NECTIN3: variants seen among roughly 807,000 people sequenced by gnomAD.
The protein encoded by NECTIN3 is nectin-3.
A neutral mutation model predicts 49.4 loss-of-function variants in NECTIN3; 8 were observed. The observed-to-expected ratio is 0.16, with a 90% CI of 0.10 to 0.29. The LOEUF is 0.29. NECTIN3 is among the 10% of genes least tolerant of loss of function. NECTIN3 has a pLI of 1.00. For synonymous variants in NECTIN3, 277 were observed against 241.1 expected (o/e 1.15, Z -1.38); for missense variants, 581 against 654.6 (o/e 0.89, Z 1.23).
chr3:111,134,192 T>C lies in NECTIN3; in HGVS notation c.1627T>C (p.Ser543Pro). 1.9e-6 allele frequency: 3 copies of C among 1,605,412 alleles called. No individual in the cohort carries two copies. The highest frequency in any genetic ancestry group is 2.6e-6 in the Non-Finnish European group (3 of 1,176,372). The change falls in exon 6 of 6, where the codon TCC (serine) becomes CCC (proline). Residue 543 changes from serine (S) to proline (P), a missense_variant. Ser to Pro is a moderately conservative substitution (Grantham distance 74). Transcript: ENST00000485303. The stretch of plus-strand genomic sequence containing the variant: ...TTCACATGTAGATGGTTCCGTAATT[T>C]CCAGGAGGGAGTGGTATGTTTAGCA... ...LVSHVDGSVI[S>P]RREWYV is the part of the protein sequence containing the mutation.
Position 111,153,775 on chromosome 3 carries a change from A to G in NECTIN3, c.1221+6291A>G, listed in dbSNP as rs1003331656. ...AGTGCTTGAAATGAAACTAGAATAT[A>G]TGGAGTCTACACTGTTTGATTCATA... On this transcript the variant is annotated intron_variant, in intron 7 of 8. Transcript: ENST00000493615. Among the ~76,000 whole-genome samples the G allele has an allele frequency of 3.9e-5, 6 of 151,978 alleles. 1 individual carries two copies. The highest frequency in any genetic ancestry group is 3.9e-4 in the Admixed American group (6 of 15,274).
chr3:111,115,449 A>G (rs1055219695), intron 2 of NECTIN3, among the ~76,000 whole-genome samples: 12 of 152,252 alleles, frequency 7.9e-5, no homozygotes, highest in Non-Finnish European at 1.3e-4. Flanking sequence ...GCTGTTTAAA[A>G]TATAGTTCTT....
chr3:111,133,983 A>T lies in NECTIN3; in HGVS notation c.1418A>T (p.Glu473Val), dbSNP rs766561615. ...TCTTACCCAGACAGTGTAAAAAAAG[A>T]AAACAAAAATCCAGTGAACAATCTA... ...LDSYPDSVKKENKNPVNNLIR... is the reference protein window; with the variant it reads ...LDSYPDSVKKVNKNPVNNLIR... The change falls in exon 6 of 6, where the codon GAA becomes GTA. Residue 473 changes from glutamate to valine, a missense_variant. By Grantham distance (121) the Glu-to-Val change is moderately radical (BLOSUM62 -2). Coordinates refer to ENST00000485303, the MANE Select transcript of NECTIN3 (RefSeq NM_015480.3). The T allele has an allele frequency of 6.2e-7, 1 of 1,613,272 alleles. No individual in the cohort carries two copies. The highest frequency in any genetic ancestry group is 1.3e-5 in the African/African-American group (1 of 74,926).
chr3:111,168,233 T>A (rs1394017473), intron 7 of NECTIN3, among the ~76,000 whole-genome samples: 1 of 152,090 alleles, frequency 6.6e-6, no homozygotes, highest in Non-Finnish European at 1.5e-5. Flanking sequence ...TAATTCTAGT[T>A]AGGAATCTGC....
At chr3:111,119,881 T>A (rs986662985) in intron 3 of NECTIN3, among the ~76,000 whole-genome samples, 1 of 152,190 alleles carries the variant, frequency 6.6e-6, no homozygotes, top group African/African-American at 2.4e-5. Flanking sequence ...TTGTTGCTAC[T>A]TACTTGCTTT....
At chr3:111,172,649 T>C (rs981037586) in intron 7 of NECTIN3, among the ~76,000 whole-genome samples, 2 of 152,216 alleles carry the variant, frequency 1.3e-5, no homozygotes, top group African/African-American at 4.8e-5. Flanking sequence ...AATTAAACTT[T>C]CGTTCTTAAT....
At chr3:111,148,948 C>T (rs1319635248) in intron 7 of NECTIN3, among the ~76,000 whole-genome samples, 1 of 151,970 alleles carries the variant, frequency 6.6e-6, no homozygotes, top group African/African-American at 2.4e-5. Flanking sequence ...CTTCTCTCTC[C>T]TTGAACTAGA....
In NECTIN3 at chr3:111,135,424, T is replaced by C. The variant is rs940717448; in HGVS notation, c.*1209T>C. On this transcript the variant is annotated 3_prime_UTR_variant, in exon 6 of 6. Transcript: ENST00000485303. ...TTTTTTACATAATTACATATATTCC[T>C]TCTGAATCATTTATCTTTTGAGAAA... 1.1e-6 allele frequency: 1 copy of C among 929,876 alleles called. No homozygotes were observed. Among genetic ancestry groups the C allele is most frequent in the Non-Finnish European group, 1.3e-6 (1 of 779,756 alleles). 57.6% of individuals were successfully genotyped at this position (929,876 alleles called of 1,614,324 possible).
rs1023771949 is a variant in NECTIN3 at position 111,146,093 on chromosome 3, T to C, written c.1139+1056T>C. ...TTATTTTAAATAAAAGATGATAAAA[T>C]GCTCTTTCAGTATAATACTTGTGGG... On this transcript the variant is annotated intron_variant, in intron 6 of 8. Transcript: ENST00000493615. Among the ~76,000 whole-genome samples the C allele has an allele frequency of 5.3e-5, 8 of 152,322 alleles. No individual in the cohort carries two copies. In the South Asian group the frequency reaches 1.7e-3, roughly 32 times the overall value.
chr3:111,108,337 A>T (rs1179825838), intron 1 of NECTIN3, among the ~76,000 whole-genome samples: 1 of 151,288 alleles, frequency 6.6e-6, no homozygotes, highest in African/African-American at 2.4e-5. Context: ...TCATGCTGAG[A>T]GAGAGGCTTT....
chr3:111,134,057 G>C lies in NECTIN3; in HGVS notation c.1492G>C (p.Val498Leu), dbSNP rs376458207. Residue 498 changes from valine to leucine, a missense_variant, in exon 6 of 6, where the codon GTA becomes CTA. By Grantham distance (32) the Val-to-Leu change is conservative. Transcript: ENST00000485303. ...EEPEKTQWNN[V>L]ENLNRFERPM... ...GCCTGAAAAAACTCAGTGGAACAAT[G>C]TAGAAAATCTCAATAGGTTTGAAAG... The C allele has an allele frequency of 3.6e-5, 58 of 1,613,428 alleles. No homozygotes were observed. The Middle Eastern group carries it at 4.9e-4, about 14-fold the overall frequency.
At chr3:111,117,456 G>T (rs918571169) in intron 2 of NECTIN3, among the ~76,000 whole-genome samples, 1 of 152,058 alleles carries the variant, frequency 6.6e-6, no homozygotes, top group African/African-American at 2.4e-5. Flanking sequence ...TTGTTAAGAT[G>T]TGTGGTGGTT....
At chr3:111,183,945 T>C (rs1383281076) in intron 7 of NECTIN3, among the ~76,000 whole-genome samples, 6 of 152,168 alleles carry the variant, frequency 3.9e-5, no homozygotes, top group Non-Finnish European at 8.8e-5. Context: ...TCAAATATTA[T>C]AGTTTTCCCT....
At chr3:111,074,433 G>A (rs747807460) in intron 1 of NECTIN3, among the ~76,000 whole-genome samples, 1 of 152,070 alleles carries the variant, frequency 6.6e-6, no homozygotes, top group Non-Finnish European at 1.5e-5. Flanking sequence ...TTGTTGATGA[G>A]AATGCTTTAC....
intron 7 of NECTIN3, among the ~76,000 whole-genome samples, chr3:111,172,774 G>A (rs529338233): frequency 2.8e-4 from 42 of 152,216 alleles, no homozygotes; most frequent in Non-Finnish European, 8.8e-5. Flanking sequence ...GGAGGCCTCA[G>A]TTTTCTATAC....
chr3:111,104,861 G>A (rs73854903), intron 1 of NECTIN3, among the ~76,000 whole-genome samples: 4,857 of 152,152 alleles, frequency 0.032, 88 homozygotes, highest in Middle Eastern at 0.058. Context: ...ACAAATATTT[G>A]CATTTCTAGA....
Position 111,129,413 on chromosome 3 carries a change from G to T in NECTIN3, c.1069+3078G>T, listed in dbSNP as rs80208358. Among the ~76,000 whole-genome samples the T allele has an allele frequency of 0.02, 3,054 of 152,038 alleles. 183 individuals carry two copies. The East Asian group carries it at 0.24, about 12-fold the overall frequency. On this transcript the variant is annotated intron_variant, in intron 5 of 5. Coordinates refer to ENST00000485303, the MANE Select transcript of NECTIN3 (RefSeq NM_015480.3). ...CTCAGAACGTAAGTCTAAACATAAAGCCTGCTTTAATTACTGCTATATTTC... is the reference window on the plus strand; with the variant it reads ...CTCAGAACGTAAGTCTAAACATAAATCCTGCTTTAATTACTGCTATATTTC...
At chr3:111,168,494 A>G (rs747097040) in intron 7 of NECTIN3, among the ~76,000 whole-genome samples, 1 of 152,180 alleles carries the variant, frequency 6.6e-6, no homozygotes, top group Non-Finnish European at 1.5e-5. Context: ...ACACATATAT[A>G]TATAAATGTT....
rs16845002 is a variant in NECTIN3 at position 111,110,702 on chromosome 3, A to G, written c.161-1328A>G. Reference sequence around the variant, plus strand: ...CTAGGATTATAGAACATGAGAGTAAATTTTCAGGGCCTGATACTTTTTTGA... The same window carrying G: ...CTAGGATTATAGAACATGAGAGTAAGTTTTCAGGGCCTGATACTTTTTTGA... On this transcript the variant is annotated intron_variant, in intron 1 of 5. Transcript: ENST00000485303. Among the ~76,000 whole-genome samples, 38 of 151,062 alleles carry G rather than the reference A, an allele frequency of 2.5e-4. No individual in the cohort carries two copies. In the East Asian group the frequency reaches 6.8e-3, roughly 27 times the overall value.
Sources: allele counts gnomAD v4.1 joint callset (sites outside exome capture counted in the v4.1 genomes callset), GRCh38; gene constraint gnomAD v4.1.1; transcripts MANE v1.5; gene names NCBI Gene and HGNC (gene_info 2026-07-23, HGNC 2026-07-21).